Variants in PSTPIP2 observed in about 807,000 individuals in gnomAD.
PSTPIP2 encodes proline-serine-threonine phosphatase interacting protein 2, also known as proline-serine-threonine phosphatase-interacting protein 2.
In PSTPIP2, 33 loss-of-function variants were observed where a neutral mutation model predicts 63.3. The observed-to-expected ratio is 0.52, with a 90% CI of 0.40 to 0.70. PSTPIP2 has a LOEUF of 0.70. Ranked by LOEUF, PSTPIP2 falls within the 30% of genes least tolerant of loss-of-function variation. The pLI, the probability that PSTPIP2 is intolerant of heterozygous loss-of-function variation, is 0.00. For missense variants in PSTPIP2, 312 were observed against 400.7 expected, an observed-to-expected ratio of 0.78 and a Z score of 1.89; for synonymous variants, 125 against 132.7, an observed-to-expected ratio of 0.94 and a Z score of 0.40.
chr18:46,067,027 CAA>C (rs35558747), intron 1 of PSTPIP2, among the ~76,000 whole-genome samples: 58,261 of 129,912 alleles, frequency 0.45, 12,809 homozygotes, highest in Middle Eastern at 0.59. Context: ...AACTCCATCT[CAA>C]AAAAAAAAAA....
chr18:46,030,681 C>G (rs7229925), intron 2 of PSTPIP2, among the ~76,000 whole-genome samples: 7 of 152,204 alleles, frequency 4.6e-5, no homozygotes, highest in Non-Finnish European at 7.3e-5. Context: ...TTTATCACTA[C>G]GTAATCTTTT....
intron 2 of PSTPIP2, chr18:46,028,285 CCG>C: frequency 2.2e-6 from 1 of 448,796 alleles, no homozygotes; most frequent in South Asian, 1.9e-5. Context: ...CGCAGCGAAG[CCG>C]AAGCGTTAGC....
At chr18:46,044,808 A>T (rs1908324044) in intron 1 of PSTPIP2, among the ~76,000 whole-genome samples, 1 of 152,228 alleles carries the variant, frequency 6.6e-6, no homozygotes, top group Non-Finnish European at 1.5e-5. Flanking sequence ...AAACAAATTT[A>T]CAAGAAAAAA....
intron 9 of PSTPIP2, among the ~76,000 whole-genome samples, chr18:45,994,720 A>G (rs943150779): frequency 3.9e-5 from 6 of 152,086 alleles, no homozygotes; most frequent in African/African-American, 9.6e-5. Flanking sequence ...TCAACTCACA[A>G]CCGATTCTAT....
At chr18:45,994,006 A>T (rs189892348) in intron 9 of PSTPIP2, 13 of 356,908 alleles carry the variant, frequency 3.6e-5, no homozygotes, top group South Asian at 4.8e-5. Context: ...ATCTAACATC[A>T]TCTCCACCTG....
At chr18:46,032,875 T>A (rs1393909902) in intron 2 of PSTPIP2, among the ~76,000 whole-genome samples, 4 of 151,898 alleles carry the variant, frequency 2.6e-5, no homozygotes, top group Non-Finnish European at 5.9e-5. Flanking sequence ...CTCAGGATGA[T>A]CCTCAATCTA....
At chr18:46,001,026 C>T (rs2051659949) in intron 6 of PSTPIP2, among the ~76,000 whole-genome samples, 1 of 152,190 alleles carries the variant, frequency 6.6e-6, no homozygotes, top group Admixed American at 6.5e-5. Flanking sequence ...TCATCAGTGG[C>T]AACATGGATA....
intron 4 of PSTPIP2, among the ~76,000 whole-genome samples, chr18:46,011,575 G>T (rs1387773465): frequency 6.6e-6 from 1 of 152,104 alleles, no homozygotes; most frequent in African/African-American, 2.4e-5. Context: ...TTTCATGAAG[G>T]TTACATCCTA....
intron 2 of PSTPIP2, among the ~76,000 whole-genome samples, chr18:46,038,069 T>G (rs1908047181): frequency 6.6e-6 from 1 of 151,882 alleles, no homozygotes; most frequent in Admixed American, 6.6e-5. Context: ...GACCAGCAAT[T>G]TTTTTTTGAA....
chr18:45,999,880 G>A (rs688070), intron 6 of PSTPIP2, among the ~76,000 whole-genome samples: 103,457 of 152,134 alleles, frequency 0.68, 36,604 homozygotes, highest in African/African-American at 0.88. Context: ...GCTCACGCCT[G>A]TAATCCCAAC....
chr18:45,999,579 G>T, intron 6 of PSTPIP2, 45 bp from the exon 7 acceptor site: 1 of 1,604,234 alleles, frequency 6.2e-7, no homozygotes. Context: ...TGAACAGAGT[G>T]TAACCATGAA....
Position 45,992,129 on chromosome 18 carries a change from C to T in PSTPIP2, c.815G>A (p.Arg272His), listed in dbSNP as rs760686151. ...ACCTGGTGGAATCTGTCCAGTTTTG[C>T]GTTGATTCACAAAGTATTCAATGTC... is the stretch of plus-strand genomic sequence containing the variant. ...QRDIEYFVNQ[R>H]KTGQIPPAPI... The change falls in exon 11 of 15, where the codon CGC becomes CAC. Residue 272 changes from arginine to histidine, a missense_variant. By Grantham distance (29) the Arg-to-His change is conservative. Coordinates refer to ENST00000409746, the MANE Select transcript of PSTPIP2 (RefSeq NM_024430.4). 2.5e-5 allele frequency: 41 copies of T among 1,608,016 alleles called. No individual in the cohort carries two copies. The highest frequency in any genetic ancestry group is 1.6e-4 in the Middle Eastern group (1 of 6,076).
intron 1 of PSTPIP2, among the ~76,000 whole-genome samples, chr18:46,045,878 G>A (rs1908366246): frequency 6.6e-6 from 1 of 152,186 alleles, no homozygotes. Flanking sequence ...AGCCCAGGAG[G>A]TTGAGGCTGT....
chr18:46,003,629 G>A (rs193172002), intron 6 of PSTPIP2, among the ~76,000 whole-genome samples: 1 of 151,660 alleles, frequency 6.6e-6, no homozygotes, highest in African/African-American at 2.4e-5. Context: ...TTTCTGGGAT[G>A]CCTGCTTCTT....
intron 1 of PSTPIP2, among the ~76,000 whole-genome samples, chr18:46,044,890 C>CA (rs1000103549): frequency 5.2e-4 from 79 of 152,018 alleles, no homozygotes; most frequent in Non-Finnish European, 1.0e-3. Flanking sequence ...TTTATGCAGC[C>CA]AAAAAACACA....
At chr18:46,011,436 C>G in intron 4 of PSTPIP2, 149 bp from the exon 5 acceptor site, 1 of 649,364 alleles carries the variant, frequency 1.5e-6, no homozygotes, top group East Asian at 2.8e-5. Flanking sequence ...ATGTATTGAA[C>G]CTCTCCATAT....
chr18:46,033,654 T>C lies in PSTPIP2; in HGVS notation c.134+6293A>G, dbSNP rs1287772726. Among the ~76,000 whole-genome samples, 3 of 144,720 alleles carry C rather than the reference T, an allele frequency of 2.1e-5. No individual in the cohort carries two copies. In the East Asian group the frequency reaches 6.1e-4, roughly 29 times the overall value. 94.9% of individuals were successfully genotyped at this position (144,720 alleles called of 152,430 possible). A position where few individuals can be genotyped will look rare whatever the true frequency, so the allele number is the denominator to read the frequency against. ...TGGAGGTTGCAGTGAGCTGAGATCA[T>C]GCCACTGAACTCCAGCCTGGGGGAC... On this transcript the variant is annotated intron_variant, in intron 2 of 14. Coordinates refer to ENST00000409746, the MANE Select transcript of PSTPIP2 (RefSeq NM_024430.4).
intron 2 of PSTPIP2, among the ~76,000 whole-genome samples, chr18:46,038,779 G>T (rs62095446): frequency 6.6e-6 from 1 of 152,144 alleles, no homozygotes; most frequent in Admixed American, 6.6e-5. Context: ...CCAGACCTTT[G>T]GAATGGCTCA....
chr18:45,999,600 C>T, intron 6 of PSTPIP2, 66 bp from the exon 7 acceptor site: 1 of 1,561,062 alleles, frequency 6.4e-7, no homozygotes, highest in South Asian at 1.1e-5. Context: ...ATGCAGCCCC[C>T]TTGGCCCAGG....
Sources: gnomAD v4.1 joint callset for allele counts (sites outside exome capture counted in the v4.1 genomes callset) on GRCh38, gnomAD v4.1.1 for gene constraint, MANE v1.5 for transcripts, NCBI Gene and HGNC (gene_info 2026-07-23, HGNC 2026-07-21) for gene names.